The following SEC24B variants were observed in gnomAD, a reference collection of about 807,000 sequenced individuals.
SEC24B encodes protein transport protein Sec24B.
In SEC24B, 45 loss-of-function variants were observed where a neutral mutation model predicts 142.8. The ratio of observed to expected loss-of-function variants is 0.32; its 90% CI spans 0.25 to 0.40. SEC24B has a LOEUF of 0.40. Among genes scored for constraint, SEC24B ranks in the 10% least tolerant of loss-of-function variants. The probability of loss-of-function intolerance (pLI) is 1.00; values close to 1 mark genes in which losing one functional copy is unlikely to be tolerated. For synonymous variants in SEC24B, 574 were observed against 568.2 expected (o/e 1.01, Z -0.15); for missense variants, 1,409 against 1,526.8 (o/e 0.92, Z 1.29).
At position 109,538,522 on chromosome 4, in the gene SEC24B, A is replaced by G; in HGVS notation, c.3618A>G (p.Ser1206=). ...ATCTTCCAGAGCTAGATACACTTTC[A>G]TCAGAAAGAGCCAGATCCTTCATAA... is the stretch of plus-strand genomic sequence containing the variant. The part of the protein sequence containing the change: ...MTHLPELDTL[S]SERARSFITW... Residue 1206 remains serine (S), a synonymous_variant, in exon 23 of 24, where the codon TCA becomes TCG. Coordinates refer to ENST00000265175, the MANE Select transcript of SEC24B (RefSeq NM_006323.5). 1 of 1,613,258 alleles carries G rather than the reference A, an allele frequency of 6.2e-7. No individual in the cohort carries two copies. Among genetic ancestry groups the G allele is most frequent in the Non-Finnish European group, 8.5e-7 (1 of 1,179,274 alleles).
chr4:109,537,424 G>A (rs1725681034), intron 22 of SEC24B, among the ~76,000 whole-genome samples: 1 of 152,180 alleles, frequency 6.6e-6, no homozygotes, highest in African/African-American at 2.4e-5. Context: ...ATAGAAGTAG[G>A]CATATATACA....
intron 6 of SEC24B, among the ~76,000 whole-genome samples, chr4:109,505,726 A>G (rs1298195493): frequency 6.6e-6 from 1 of 152,196 alleles, no homozygotes; most frequent in East Asian, 1.9e-4. Flanking sequence ...GAAGTAAAAG[A>G]GTATAAAATA....
chr4:109,457,359 G>T (rs1184332825), intron 1 of SEC24B, among the ~76,000 whole-genome samples: 4 of 152,210 alleles, frequency 2.6e-5, no homozygotes, highest in Non-Finnish European at 5.9e-5. Flanking sequence ...AGACTGTCTA[G>T]TTTATAATGA....
chr4:109,504,033 C>T (rs969796440), intron 6 of SEC24B, among the ~76,000 whole-genome samples: 1 of 151,954 alleles, frequency 6.6e-6, no homozygotes, highest in Admixed American at 6.6e-5. Context: ...TACAGCTCTA[C>T]AGAAAAAAAG....
chr4:109,523,829 A>G (rs1317780236), intron 14 of SEC24B, among the ~76,000 whole-genome samples: 1 of 152,144 alleles, frequency 6.6e-6, no homozygotes, highest in Non-Finnish European at 1.5e-5. Context: ...TTTTTTAATC[A>G]ACTTCTCTTC....
intron 11 of SEC24B, among the ~76,000 whole-genome samples, chr4:109,518,959 A>G (rs1723292775): frequency 6.6e-6 from 1 of 151,918 alleles, no homozygotes; most frequent in Admixed American, 6.6e-5. Context: ...AGCGCACACC[A>G]TCACACTCGG....
At chr4:109,521,054 C>CT (rs1181331320) in intron 12 of SEC24B, 63 bp from the exon 13 acceptor site, 10 of 1,070,274 alleles carry the variant, frequency 9.3e-6, no homozygotes, top group Admixed American at 2.0e-5. Context: ...CTGATAAAAA[C>CT]TAAGATTTTC....
chr4:109,508,104 C>T (rs1736912588), intron 7 of SEC24B, among the ~76,000 whole-genome samples: 1 of 152,210 alleles, frequency 6.6e-6, no homozygotes. Context: ...CACACACCAT[C>T]AGTGCCTCAG....
intron 1 of SEC24B, among the ~76,000 whole-genome samples, chr4:109,439,728 T>C (rs1728759754): frequency 6.6e-6 from 1 of 150,630 alleles, no homozygotes; most frequent in Non-Finnish European, 1.5e-5. Flanking sequence ...CTTGAACTGC[T>C]GACCTCAGAT....
intron 1 of SEC24B, among the ~76,000 whole-genome samples, chr4:109,461,468 G>A (rs1731249655): frequency 6.6e-6 from 1 of 152,140 alleles, no homozygotes; most frequent in South Asian, 2.1e-4. Flanking sequence ...GGTGAATAAT[G>A]TTATATCTCT....
At chr4:109,459,566 C>G (rs1731049336) in intron 1 of SEC24B, among the ~76,000 whole-genome samples, 1 of 152,072 alleles carries the variant, frequency 6.6e-6, no homozygotes, top group South Asian at 2.1e-4. Flanking sequence ...TAGTAAGCAT[C>G]CACATATGAT....
chr4:109,454,622 G>C (rs1468408753), intron 1 of SEC24B, among the ~76,000 whole-genome samples: 1 of 151,976 alleles, frequency 6.6e-6, no homozygotes, highest in Non-Finnish European at 1.5e-5. Context: ...GTTTTTCTCT[G>C]ACTTTCTGTT....
chr4:109,515,135 C>CT, intron 10 of SEC24B, among the ~76,000 whole-genome samples: 1 of 152,244 alleles, frequency 6.6e-6, no homozygotes, highest in South Asian at 2.1e-4. Context: ...GAGTCACGCT[C>CT]TGTCATCCAG....
chr4:109,510,098 T>A lies in SEC24B; in HGVS notation c.1763T>A (p.Phe588Tyr). Residue 588 changes from phenylalanine (F) to tyrosine (Y), a missense_variant, in exon 8 of 24, where the codon TTC (phenylalanine) becomes TAC (tyrosine). Phe to Tyr is a conservative substitution (Grantham distance 22). This residue lies in a region of SEC24B where 700 missense variants were observed against 853.3 expected (regional missense o/e 0.82). Coordinates refer to ENST00000265175, the MANE Select transcript of SEC24B (RefSeq NM_006323.5). The stretch of plus-strand genomic sequence containing the variant: ...CCTTTAGGATTGTTGTTACATCCCT[T>A]CAGAGACCTAACGGTAAAGTAACAT... Reference protein sequence around the residue: ...KLPLGLLLHPFRDLTQLPVIT... With the variant: ...KLPLGLLLHPYRDLTQLPVIT... The A allele has an allele frequency of 6.3e-7, 1 of 1,588,022 alleles. No individual in the cohort carries two copies. Among genetic ancestry groups the A allele is most frequent in the Non-Finnish European group, 8.6e-7 (1 of 1,160,900 alleles).
intron 1 of SEC24B, among the ~76,000 whole-genome samples, chr4:109,453,361 G>T (rs1427016371): frequency 2.6e-5 from 4 of 151,788 alleles, no homozygotes; most frequent in Non-Finnish European, 4.4e-5. Context: ...AAGCCTGGGG[G>T]TGCTGCTGGA....
intron 1 of SEC24B, chr4:109,451,183 A>G (rs1377774279): frequency 6.6e-6 from 1 of 152,104 alleles, no homozygotes; most frequent in East Asian, 1.9e-4. Flanking sequence ...TTATAAACTC[A>G]CAAATATTTA....
intron 4 of SEC24B, among the ~76,000 whole-genome samples, chr4:109,490,437 G>A (rs541113719): frequency 5.3e-5 from 8 of 152,140 alleles, no homozygotes; most frequent in Non-Finnish European, 1.0e-4. Flanking sequence ...GGTATTAATA[G>A]CAAGGGATAA....
At chr4:109,442,843 G>A (rs1316865270) in intron 1 of SEC24B, among the ~76,000 whole-genome samples, 3 of 151,852 alleles carry the variant, frequency 2.0e-5, no homozygotes, top group African/African-American at 7.3e-5. Context: ...CTTTATTTTT[G>A]TGTTTTCCTG....
intron 21 of SEC24B, among the ~76,000 whole-genome samples, chr4:109,533,320 A>G (rs1725134855): frequency 6.6e-6 from 1 of 152,334 alleles, no homozygotes; most frequent in Non-Finnish European, 1.5e-5. Context: ...TGGGAAATAC[A>G]GTGAGTCAAT....
Sources: gnomAD v4.1 joint callset for allele counts (sites outside exome capture counted in the v4.1 genomes callset) on GRCh38, gnomAD v4.1.1 for gene constraint, gnomAD v4.1.1 regional missense constraint, MANE v1.5 for transcripts, NCBI Gene and HGNC (gene_info 2026-07-23, HGNC 2026-07-21) for gene names.